ORMDL1: variants seen among roughly 807,000 people sequenced by gnomAD.
ORMDL1 encodes the protein ORM1-like protein 1.
Under a neutral mutation model 13.0 loss-of-function variants are expected in ORMDL1, and 10 were observed. The ratio of observed to expected loss-of-function variants is 0.77; its 90% confidence interval spans 0.47 to 1.30. The LOEUF (loss-of-function observed/expected upper bound fraction) is 1.30. Ranked by LOEUF, ORMDL1 falls within the 50% of genes most tolerant of loss-of-function variation. The probability of loss-of-function intolerance (pLI) is 0.00; values close to 1 mark genes in which losing one functional copy is unlikely to be tolerated. For synonymous variants in ORMDL1, 61 were observed against 63.9 expected (o/e 0.95, Z 0.22); for missense variants, 171 against 186.7 (o/e 0.92, Z 0.49).
chr2:189,771,688 A>AAG lies in ORMDL1; in HGVS notation c.*78_*79insCT. The AAG allele has an allele frequency of 8.0e-7, 1 of 1,251,930 alleles. No individual in the cohort carries two copies. The highest frequency in any genetic ancestry group is 1.1e-6 in the Non-Finnish European group (1 of 911,924). The allele number at this position is 1,251,930 out of a possible 1,614,324, so 77.6% of individuals were successfully genotyped here. A position where few individuals can be genotyped will look rare whatever the true frequency, so the allele number is the denominator to read the frequency against. On this transcript the variant is annotated 3_prime_UTR_variant, in exon 5 of 5. Coordinates refer to ENST00000392349, the MANE Select transcript of ORMDL1 (RefSeq NM_016467.5). ...TACTTCTCATTTCACATTATCACAG[A>AAG]AACAGTGCAGTTTACTAACCACTCC...
Position 189,782,456 on chromosome 2 carries a change from A to G in ORMDL1, c.140T>C (p.Val47Ala). ...TATAATATTTGTTAAAGTCCAAGCAACAGGAACACTGAAGAAGGGAATGCT... is the reference window on the plus strand; with the variant it reads ...TATAATATTTGTTAAAGTCCAAGCAGCAGGAACACTGAAGAAGGGAATGCT... ...LLSIPFFSVP[V>A]AWTLTNIIHN... The change falls in exon 3 of 5, where the codon GTT becomes GCT. Residue 47 changes from valine (V) to alanine (A), a missense_variant. Physicochemically the swap from Val to Ala is moderately conservative, Grantham distance 64 (BLOSUM62 0). Transcript: ENST00000392349. 1 of 1,614,156 alleles carries G rather than the reference A, an allele frequency of 6.2e-7. No homozygotes were observed. The highest frequency in any genetic ancestry group is 8.5e-7 in the Non-Finnish European group (1 of 1,179,980).
intron 4 of ORMDL1, among the ~76,000 whole-genome samples, chr2:189,774,285 T>C (rs77607351): frequency 0.032 from 4,932 of 152,280 alleles, 103 homozygotes; most frequent in South Asian, 0.07. Flanking sequence ...CAGCTTCCCA[T>C]GTAGCTTACA....
intron 3 of ORMDL1, among the ~76,000 whole-genome samples, chr2:189,776,562 T>G (rs1385182174): frequency 6.6e-6 from 1 of 152,166 alleles, no homozygotes; most frequent in African/African-American, 2.4e-5. Flanking sequence ...AGTTTTTCCT[T>G]CTAGACGCCA....
intron 2 of ORMDL1, chr2:189,782,811 C>T (rs2047897627): frequency 4.4e-6 from 2 of 459,432 alleles, no homozygotes; most frequent in African/African-American, 3.9e-5. Flanking sequence ...TAAGACAAGA[C>T]TTGTTATTAT....
downstream of ORMDL1, among the ~76,000 whole-genome samples, chr2:189,768,422 T>C (rs2047517466): frequency 6.6e-6 from 1 of 152,238 alleles, no homozygotes; most frequent in Non-Finnish European, 1.5e-5. Context: ...TGGGTGATAC[T>C]TACTGATGAC....
Position 189,770,581 on chromosome 2 carries a change from CTTTG to C in ORMDL1, c.*1182_*1185del, listed in dbSNP as rs1363693800. 3 of 152,034 alleles carry C rather than the reference CTTTG, an allele frequency of 2.0e-5. No individual in the cohort carries two copies. The highest frequency in any genetic ancestry group is 4.4e-5 in the Non-Finnish European group (3 of 67,984). 9.4% of individuals were successfully genotyped at this position (152,034 alleles called of 1,614,324 possible). A position where few individuals can be genotyped will look rare whatever the true frequency, so the allele number is the denominator to read the frequency against. ...TTTTAAATTTTGTCCCATATCTGAA[CTTTG>C]TTTTTTTTGACATGTTTACTTCTCA... On this transcript the variant is annotated 3_prime_UTR_variant, in exon 5 of 5. Coordinates refer to ENST00000392349, the MANE Select transcript of ORMDL1 (RefSeq NM_016467.5).
chr2:189,771,991 A>C (rs999510509), intron 4 of ORMDL1, 89 bp from the exon 5 acceptor site: 1 of 996,462 alleles, frequency 1.0e-6, no homozygotes, highest in East Asian at 3.1e-5. Context: ...AAAAAAGGCC[A>C]CTAAAGCATA....
At chr2:189,765,839 ATTT>A (rs72132150), downstream of ORMDL1, among the ~76,000 whole-genome samples, 32 of 106,732 alleles carry the variant, frequency 3.0e-4, no homozygotes, top group African/African-American at 4.7e-4. Context: ...TACTTTCTCC[ATTT>A]TTTTTTTTTT....
At chr2:189,781,433 G>T (rs2047827420) in intron 3 of ORMDL1, among the ~76,000 whole-genome samples, 1 of 151,992 alleles carries the variant, frequency 6.6e-6, no homozygotes, top group Non-Finnish European at 1.5e-5. Context: ...TTTTGTAAAA[G>T]GCAATTTCCA....
At chr2:189,767,530 T>G (rs2047501833), downstream of ORMDL1, among the ~76,000 whole-genome samples, 1 of 152,230 alleles carries the variant, frequency 6.6e-6, no homozygotes, top group African/African-American at 2.4e-5. Flanking sequence ...AATTGGAAAG[T>G]CAGAAAATTT....
chr2:189,779,328 A>G (rs1574968798), intron 3 of ORMDL1, among the ~76,000 whole-genome samples: 1 of 152,236 alleles, frequency 6.6e-6, no homozygotes, highest in East Asian at 1.9e-4. Flanking sequence ...ATAAAAACAA[A>G]TTAGCCGGGT....
downstream of ORMDL1, among the ~76,000 whole-genome samples, chr2:189,769,980 T>C (rs974780336): frequency 6.6e-6 from 1 of 152,202 alleles, no homozygotes; most frequent in Non-Finnish European, 1.5e-5. Flanking sequence ...GATTTTGTTT[T>C]AAACTGGAAT....
At chr2:189,772,266 C>T (rs959703572) in intron 4 of ORMDL1, among the ~76,000 whole-genome samples, 1 of 150,890 alleles carries the variant, frequency 6.6e-6, no homozygotes, top group Admixed American at 6.6e-5. Context: ...TCAAAGCATT[C>T]ATCTTATTCT....
intron 3 of ORMDL1, among the ~76,000 whole-genome samples, chr2:189,779,254 A>G (rs1227136011): frequency 6.6e-6 from 1 of 152,132 alleles, no homozygotes; most frequent in East Asian, 1.9e-4. Flanking sequence ...GTGCAGAAGG[A>G]CTGCTTGAGG....
chr2:189,769,728 G>A (rs767855483), downstream of ORMDL1, among the ~76,000 whole-genome samples: 2 of 152,104 alleles, frequency 1.3e-5, no homozygotes, highest in Admixed American at 6.5e-5. Context: ...AGTAAATAAA[G>A]AAGGGACAAA....
At chr2:189,769,368 C>T, downstream of ORMDL1, among the ~76,000 whole-genome samples, 1 of 141,192 alleles carries the variant, frequency 7.1e-6, no homozygotes, top group East Asian at 2.1e-4. Flanking sequence ...GCCTGGGCGA[C>T]AAAAAAAACC....
intron 3 of ORMDL1, among the ~76,000 whole-genome samples, chr2:189,777,234 C>CA (rs2047719262): frequency 6.6e-6 from 1 of 152,142 alleles, no homozygotes; most frequent in Admixed American, 6.5e-5. Flanking sequence ...TGGGACACCG[C>CA]AAGACATTAG....
At chr2:189,779,523 C>T (rs781165188) in intron 3 of ORMDL1, among the ~76,000 whole-genome samples, 3 of 152,132 alleles carry the variant, frequency 2.0e-5, no homozygotes, top group African/African-American at 4.8e-5. Flanking sequence ...AGTGTATAGC[C>T]TCTATTTAGA....
At chr2:189,776,282 T>C (rs917907490) in intron 3 of ORMDL1, among the ~76,000 whole-genome samples, 2 of 152,214 alleles carry the variant, frequency 1.3e-5, no homozygotes, top group Non-Finnish European at 2.9e-5. Context: ...CTCAATTCCC[T>C]TTTTAAATCG....
Sources: gnomAD v4.1 joint callset for allele counts (sites outside exome capture counted in the v4.1 genomes callset) on GRCh38, gnomAD v4.1.1 for gene constraint, MANE v1.5 for transcripts, NCBI Gene and HGNC (gene_info 2026-07-23, HGNC 2026-07-21) for gene names.